Variants in CPS1 observed in about 807,000 individuals in gnomAD.
The protein encoded by CPS1 is carbamoyl-phosphate synthase [ammonia], mitochondrial.
A neutral mutation model predicts 174.6 loss-of-function variants in CPS1; 109 were observed. That is an observed-to-expected ratio of 0.62 (90% CI 0.53 to 0.73). The LOEUF (loss-of-function observed/expected upper bound fraction) is 0.73. Among genes scored for constraint, CPS1 ranks in the 30% least tolerant of loss-of-function variants. CPS1 has a pLI of 0.00. For synonymous variants in CPS1, 637 were observed against 632.0 expected, an observed-to-expected ratio of 1.01 and a Z score of -0.12; for missense variants, 1,689 against 1,821.9, an observed-to-expected ratio of 0.93 and a Z score of 1.33.
Position 210,663,147 on chromosome 2 carries a change from T to C in CPS1, c.3952T>C (p.Leu1318=), listed in dbSNP as rs769593170. 1.4e-5 allele frequency: 22 copies of C among 1,613,856 alleles called. No individual in the cohort carries two copies. The highest frequency in any genetic ancestry group is 9.4e-5 in the African/African-American group (7 of 74,852). The part of the protein sequence containing the change: ...IKAPMFSWPR[L]RDADPILRCE... ...GGCTCCCATGTTTTCCTGGCCCCGG[T>C]TGAGGGATGCTGACCCCATTCTGAG... is the stretch of plus-strand genomic sequence containing the variant. Residue 1318 remains leucine, a synonymous_variant, in exon 33 of 38, where the codon TTG becomes CTG. Coordinates refer to ENST00000233072, the MANE Select transcript of CPS1 (RefSeq NM_001875.5).
chr2:210,590,817 C>T lies in CPS1; in HGVS notation c.858C>T (p.Arg286=). ...TGATTTAGATTTTGGAGAGTGATCGCAAGGAGCCATTGTTTGGAATCAGTA... is the reference window on the plus strand; with the variant it reads ...TGATTTAGATTTTGGAGAGTGATCGTAAGGAGCCATTGTTTGGAATCAGTA... ...QNVRKILESD[R]KEPLFGISTG... The change falls in exon 9 of 38, where the codon CGC becomes CGT. Residue 286 remains arginine (R), a synonymous_variant. Transcript: ENST00000233072. 6.2e-7 allele frequency: 1 copy of T among 1,610,678 alleles called. No individual in the cohort carries two copies. Among genetic ancestry groups the T allele is most frequent in the Non-Finnish European group, 8.5e-7 (1 of 1,177,876 alleles).
intron 1 of CPS1, among the ~76,000 whole-genome samples, chr2:210,480,675 G>C (rs905154603): frequency 6.6e-6 from 1 of 152,150 alleles, no homozygotes; most frequent in African/African-American, 2.4e-5. Flanking sequence ...CACACAGACA[G>C]ACACACACAT....
intron 1 of CPS1, among the ~76,000 whole-genome samples, chr2:210,489,696 C>G (rs1185609178): frequency 1.3e-5 from 2 of 152,054 alleles, no homozygotes; most frequent in East Asian, 1.9e-4. Flanking sequence ...AGCTGTGGGA[C>G]TTCAATCATA....
At chr2:210,560,313 G>C (rs1305631031) in intron 1 of CPS1, among the ~76,000 whole-genome samples, 1 of 152,014 alleles carries the variant, frequency 6.6e-6, no homozygotes, top group Non-Finnish European at 1.5e-5. Flanking sequence ...GATCATAAGA[G>C]TATAGTCTCT....
rs1238455845 is a variant in CPS1, at chr2:210,592,949, A to G, written c.1157A>G (p.Asp386Gly). The part of the protein sequence containing the change: ...FHPEVTPGPI[D>G]TEYLFDSFFS... The stretch of plus-strand genomic sequence containing the variant: ...CCAGAGGTCACCCCGGGGCCAATAG[A>G]CACTGAGGTACGTCAAAAAGATGAG... Residue 386 changes from aspartate (D) to glycine (G), a missense_variant, in exon 11 of 38, where the codon GAC becomes GGC. By Grantham distance (94) the Asp-to-Gly change is moderately conservative. Coordinates refer to ENST00000233072, the MANE Select transcript of CPS1 (RefSeq NM_001875.5). 1.9e-6 allele frequency: 3 copies of G among 1,612,014 alleles called. No homozygotes were observed. The highest frequency in any genetic ancestry group is 2.5e-6 in the Non-Finnish European group (3 of 1,178,672).
intron 25 of CPS1, among the ~76,000 whole-genome samples, chr2:210,645,625 T>TA (rs1700355559): frequency 6.6e-6 from 1 of 151,710 alleles, no homozygotes; most frequent in Non-Finnish European, 1.5e-5. Context: ...CTACTAAAAA[T>TA]AAAAAAAATT....
At chr2:210,603,802 A>C (rs914896569) in intron 16 of CPS1, among the ~76,000 whole-genome samples, 24 of 151,866 alleles carry the variant, frequency 1.6e-4, no homozygotes, top group Admixed American at 3.9e-4. Context: ...AATTAGTCAT[A>C]TCATTATGTC....
chr2:210,593,059 C>A (rs529530294), intron 11 of CPS1, 103 bp downstream of exon 11: 2 of 1,018,620 alleles, frequency 2.0e-6, no homozygotes, highest in Non-Finnish European at 1.5e-6. Context: ...TTGAGCAGAA[C>A]ATTCTCAAGA....
At chr2:210,552,618 C>T (rs1041438471), upstream of CPS1, among the ~76,000 whole-genome samples, 1 of 151,944 alleles carries the variant, frequency 6.6e-6, no homozygotes, top group Non-Finnish European at 1.5e-5. Context: ...TTCTCTAAGA[C>T]ATCCTGTTCT....
chr2:210,532,536 A>G (rs115564838), intron 1 of CPS1, among the ~76,000 whole-genome samples: 1,652 of 152,306 alleles, frequency 0.011, 21 homozygotes, highest in African/African-American at 0.035. Context: ...GGGAATAAGT[A>G]TAGCAATAGC....
intron 1 of CPS1, among the ~76,000 whole-genome samples, chr2:210,495,377 A>G (rs1225998839): frequency 6.6e-6 from 1 of 152,178 alleles, no homozygotes; most frequent in Non-Finnish European, 1.5e-5. Context: ...CCACTCAAGA[A>G]CTAGGTCTGA....
At chr2:210,534,680 A>G (rs1696201553) in intron 1 of CPS1, among the ~76,000 whole-genome samples, 1 of 152,152 alleles carries the variant, frequency 6.6e-6, no homozygotes, top group Non-Finnish European at 1.5e-5. Context: ...GAAACATTTT[A>G]TTTTTCTGTT....
At chr2:210,589,525 C>A (rs1023337729) in intron 7 of CPS1, among the ~76,000 whole-genome samples, 9 of 152,048 alleles carry the variant, frequency 5.9e-5, no homozygotes, top group Non-Finnish European at 1.3e-4. Flanking sequence ...TATCTTTTTG[C>A]AACTGGTCGT....
upstream of CPS1, among the ~76,000 whole-genome samples, chr2:210,552,643 A>G (rs1246189240): frequency 3.3e-5 from 5 of 151,542 alleles, no homozygotes; most frequent in African/African-American, 9.7e-5. Flanking sequence ...TTTTTTTTCA[A>G]TCTGTAGCAG....
intron 20 of CPS1, among the ~76,000 whole-genome samples, chr2:210,614,731 G>T (rs1436412123): frequency 6.6e-6 from 1 of 151,968 alleles, no homozygotes; most frequent in East Asian, 1.9e-4. Context: ...CATGTCCTTT[G>T]CAGGGACATG....
At chr2:210,627,826 C>T (rs1699740833) in intron 21 of CPS1, among the ~76,000 whole-genome samples, 3 of 152,066 alleles carry the variant, frequency 2.0e-5, no homozygotes, top group African/African-American at 7.2e-5. Flanking sequence ...TTCTAAACTT[C>T]TCCTCCTGCT....
chr2:210,540,207 C>T (rs188573743), intron 1 of CPS1, among the ~76,000 whole-genome samples: 70 of 152,292 alleles, frequency 4.6e-4, no homozygotes, highest in East Asian at 2.7e-3. Context: ...CTGCAAATCC[C>T]GTTGCCTTGC....
intron 26 of CPS1, 99 bp from the exon 27 acceptor site, chr2:210,648,374 A>G (rs900039577): frequency 8.8e-6 from 9 of 1,017,598 alleles, no homozygotes; most frequent in African/African-American, 3.2e-5. Context: ...TTTAGAGAAT[A>G]AAGAAGCTGG....
At chr2:210,655,992 C>A (rs1700692814) in intron 29 of CPS1, among the ~76,000 whole-genome samples, 1 of 152,122 alleles carries the variant, frequency 6.6e-6, no homozygotes, top group Non-Finnish European at 1.5e-5. Flanking sequence ...TTTATTATTA[C>A]ATTACTTTTA....
Sources: gnomAD v4.1 joint callset for allele counts (sites outside exome capture counted in the v4.1 genomes callset) on GRCh38, gnomAD v4.1.1 for gene constraint, MANE v1.5 for transcripts, NCBI Gene and HGNC (gene_info 2026-07-23, HGNC 2026-07-21) for gene names.